The following MAP3K7CL variants were observed in gnomAD, a reference collection of about 807,000 sequenced individuals.
MAP3K7CL encodes MAP3K7 C-terminal-like protein.
A neutral mutation model predicts 18.6 loss-of-function variants in MAP3K7CL; 16 were observed. The observed-to-expected ratio is 0.86, with a 90% CI of 0.58 to 1.31. The LOEUF is 1.31. Among genes scored for constraint, MAP3K7CL ranks in the 50% most tolerant of loss-of-function variants. The pLI is 0.00. For missense variants in MAP3K7CL, 163 were observed against 174.4 expected (o/e 0.93, Z 0.37); for synonymous variants, 65 against 66.8 (o/e 0.97, Z 0.13).
intron 4 of MAP3K7CL, among the ~76,000 whole-genome samples, chr21:29,172,613 A>G (rs1427070411): frequency 6.6e-6 from 1 of 152,058 alleles, no homozygotes; most frequent in Non-Finnish European, 1.5e-5. Context: ...TTACATATCC[A>G]TATTTGGGTA....
chr21:29,094,446 G>T (rs1376759967), intron 4 of MAP3K7CL, among the ~76,000 whole-genome samples: 1 of 152,244 alleles, frequency 6.6e-6, no homozygotes, highest in Non-Finnish European at 1.5e-5. Context: ...TTTTTAGGAA[G>T]TTCCCAGGTG....
At chr21:29,112,333 AT>A (rs540455630) in intron 4 of MAP3K7CL, among the ~76,000 whole-genome samples, 110 of 152,196 alleles carry the variant, frequency 7.2e-4, no homozygotes, top group Non-Finnish European at 1.1e-3. Flanking sequence ...ACATAAAAAA[AT>A]CTTTCATTAT....
chr21:29,128,948 TTGTC>T (rs1466863236), upstream of MAP3K7CL, among the ~76,000 whole-genome samples: 4 of 152,234 alleles, frequency 2.6e-5, no homozygotes, highest in African/African-American at 9.6e-5. Flanking sequence ...AATGTTTTAA[TTGTC>T]TGAGTCTGTA....
intron 4 of MAP3K7CL, among the ~76,000 whole-genome samples, chr21:29,105,902 T>G (rs1190252340): frequency 6.6e-6 from 1 of 152,156 alleles, no homozygotes; most frequent in Non-Finnish European, 1.5e-5. Context: ...ATTCTACTCC[T>G]TATGAATTCT....
chr21:29,158,278 T>C (rs2251377), intron 3 of MAP3K7CL, among the ~76,000 whole-genome samples: 85,404 of 152,004 alleles, frequency 0.56, 24,341 homozygotes, highest in African/African-American at 0.65. Context: ...CCTTTGGCAA[T>C]AGCTTTATCT....
At chr21:29,095,514 T>C (rs2086107432) in intron 4 of MAP3K7CL, among the ~76,000 whole-genome samples, 1 of 152,184 alleles carries the variant, frequency 6.6e-6, no homozygotes, top group Non-Finnish European at 1.5e-5. Context: ...AAAGACCTGA[T>C]TGTTACTCTC....
intron 4 of MAP3K7CL, among the ~76,000 whole-genome samples, chr21:29,170,379 T>A (rs565564051): frequency 6.6e-6 from 1 of 152,292 alleles, no homozygotes; most frequent in Non-Finnish European, 1.5e-5. Flanking sequence ...ATTGTAAAAA[T>A]CTATGATTTT....
At chr21:29,163,920 A>G (rs1429976058) in intron 4 of MAP3K7CL, among the ~76,000 whole-genome samples, 2 of 150,266 alleles carry the variant, frequency 1.3e-5, no homozygotes, top group Non-Finnish European at 1.5e-5. Context: ...CTGGTCTCAA[A>G]CTCCTGACCT....
rs529855649 is a variant in MAP3K7CL at position 29,109,578 on chromosome 21, C to T, written c.370+16997C>T. 21 of 1,014,520 alleles carry T rather than the reference C, an allele frequency of 2.1e-5. 1 individual carries two copies. In the East Asian group the frequency reaches 1.4e-3, roughly 68 times the overall value. The allele number at this position is 1,014,520 out of a possible 1,614,324, so 62.8% of individuals were successfully genotyped here. On this transcript the variant is annotated intron_variant, in intron 4 of 6. Transcript: ENST00000286791. The stretch of plus-strand genomic sequence containing the variant: ...TGAAATCCATTTTTTGATTTATAAA[C>T]TGCACATTTAATGTAAATAGCACAT...
intron 4 of MAP3K7CL, among the ~76,000 whole-genome samples, chr21:29,107,738 T>C (rs1568939801): frequency 6.6e-6 from 1 of 152,230 alleles, no homozygotes; most frequent in African/African-American, 2.4e-5. Flanking sequence ...GCTACATTAA[T>C]CAATCCTGTC....
chr21:29,094,719 C>T (rs919779928), intron 4 of MAP3K7CL, among the ~76,000 whole-genome samples: 7 of 152,118 alleles, frequency 4.6e-5, no homozygotes, highest in Admixed American at 1.3e-4. Context: ...ATACCAGACT[C>T]GGTGCACAGC....
At chr21:29,094,443 G>A (rs2086085111) in intron 4 of MAP3K7CL, among the ~76,000 whole-genome samples, 1 of 152,202 alleles carries the variant, frequency 6.6e-6, no homozygotes, top group Non-Finnish European at 1.5e-5. Context: ...GAATTTTTAG[G>A]AAGTTCCCAG....
chr21:29,154,727 T>C (rs570393139), intron 3 of MAP3K7CL, among the ~76,000 whole-genome samples: 1 of 152,316 alleles, frequency 6.6e-6, no homozygotes, highest in East Asian at 1.9e-4. Flanking sequence ...CATCTGGAAA[T>C]GTGGTTAGGG....
At chr21:29,138,569 C>A (rs1182165627) in intron 2 of MAP3K7CL, among the ~76,000 whole-genome samples, 1 of 152,184 alleles carries the variant, frequency 6.6e-6, no homozygotes, top group Non-Finnish European at 1.5e-5. Context: ...AAATTTAGAC[C>A]TTGGCTTTGG....
At chr21:29,127,645 CATT>C (rs1216877906), upstream of MAP3K7CL, 2 of 152,098 alleles carry the variant, frequency 1.3e-5, no homozygotes, top group African/African-American at 2.4e-5. Context: ...GTTCCTTTCT[CATT>C]GTTGTCAAAT....
intron 4 of MAP3K7CL, chr21:29,092,693 T>A (rs779790752): frequency 8.3e-5 from 103 of 1,237,110 alleles, no homozygotes; most frequent in Non-Finnish European, 1.2e-4. Flanking sequence ...GGGATCTGGG[T>A]CAGAGCAGGA....
chr21:29,086,061 C>A lies in MAP3K7CL; in HGVS notation c.57+144C>A, dbSNP rs2085920345. 4.7e-6 allele frequency: 4 copies of A among 859,882 alleles called. No individual in the cohort carries two copies. In the Admixed American group the frequency reaches 6.6e-5, roughly 14 times the overall value. The allele number at this position is 859,882 out of a possible 1,614,324, so 53.3% of individuals were successfully genotyped here. On this transcript the variant is annotated intron_variant, in intron 1 of 6. Coordinates refer to the MAP3K7CL transcript ENST00000286791. ...TCAGCTAACCATTACTGTTGGCAAT[C>A]TGTGGGAGGTCGGCAGACTATTTGT...
chr21:29,135,076 A>G (rs990646946), intron 2 of MAP3K7CL, among the ~76,000 whole-genome samples: 10 of 151,956 alleles, frequency 6.6e-5, no homozygotes, highest in African/African-American at 2.2e-4. Flanking sequence ...AAAACAAAAA[A>G]CAAACCATGC....
chr21:29,083,698 A>G (rs531842262), upstream of MAP3K7CL, among the ~76,000 whole-genome samples: 60 of 151,922 alleles, frequency 3.9e-4, no homozygotes, highest in Admixed American at 3.3e-3. Context: ...TCTGTCTACC[A>G]CTCTTAACAT....
Sources: gnomAD v4.1 joint callset for allele counts (sites outside exome capture counted in the v4.1 genomes callset) on GRCh38, gnomAD v4.1.1 for gene constraint, MANE v1.5 for transcripts, NCBI Gene and HGNC (gene_info 2026-07-23, HGNC 2026-07-21) for gene names.